APOL3: variants seen among roughly 807,000 people sequenced by gnomAD.
APOL3 encodes the protein TNF-inducible protein CG12-1.
In APOL3, 14 loss-of-function variants were observed where a neutral mutation model predicts 11.6. That is an observed-to-expected ratio of 1.21 (90% CI 0.80 to 1.89). The LOEUF is 1.89. Ranked by LOEUF, APOL3 falls within the 40% of genes most tolerant of loss-of-function variation. The pLI is 0.00. For synonymous variants in APOL3, 192 were observed against 190.6 expected (o/e 1.01, Z -0.06); for missense variants, 483 against 492.1 (o/e 0.98, Z 0.17).
At position 36,159,848 on chromosome 22, in the gene APOL3, G is replaced by A. The variant is rs149537646; in HGVS notation, c.223+821C>T. Among the ~76,000 whole-genome samples the A allele has an allele frequency of 1.3e-4, 20 of 152,008 alleles. No homozygotes were observed. In the East Asian group the frequency reaches 3.9e-3, roughly 29 times the overall value. On this transcript the variant is annotated intron_variant, in intron 1 of 2. Coordinates refer to ENST00000349314, the Ensembl canonical transcript of APOL3. ...GTCAGGGTGGGTGAAACAACCTCTG[G>A]GTTCCTTGTTATCTCTTTTCGCTCT...
intron 1 of APOL3, 31 bp from the exon 2 acceptor site, chr22:36,149,173 G>A: frequency 7.4e-7 from 1 of 1,348,128 alleles, no homozygotes; most frequent in Non-Finnish European, 9.9e-7. Context: ...TTGTGGGACT[G>A]AATGTGAGCC....
chr22:36,165,713 T>C (rs1407686316), upstream of APOL3: 1 of 152,190 alleles, frequency 6.6e-6, no homozygotes, highest in Non-Finnish European at 1.5e-5. Context: ...GCCCCTTGGA[T>C]GGCCACCACT....
At chr22:36,161,847 C>T (rs980998724), upstream of APOL3, among the ~76,000 whole-genome samples, 12 of 110,006 alleles carry the variant, frequency 1.1e-4, no homozygotes, top group South Asian at 3.6e-4. Context: ...AAAGAGATGA[C>T]GAGAAAAAGG....
Position 36,156,890 on chromosome 22 carries a change from G to A in APOL3, c.223+3779C>T, listed in dbSNP as rs138549625. Reference sequence around the variant, plus strand: ...TGGCACAGCCTGGCTGAAATCCGAGGTGTGGGAGGCAGCACTTGGACTAAA... The same window carrying A: ...TGGCACAGCCTGGCTGAAATCCGAGATGTGGGAGGCAGCACTTGGACTAAA... On this transcript the variant is annotated intron_variant, in intron 1 of 2. Coordinates refer to ENST00000349314, the Ensembl canonical transcript of APOL3. 5.3e-5 allele frequency: 24 copies of A among 453,668 alleles called. No individual in the cohort carries two copies. The Middle Eastern group carries it at 9.8e-4, about 19-fold the overall frequency. The allele number at this position is 453,668 out of a possible 1,614,324, so 28.1% of individuals were successfully genotyped here. A position where few individuals can be genotyped will look rare whatever the true frequency, so the allele number is the denominator to read the frequency against.
exon 1 of APOL3, chr22:36,160,913 G>T (rs1244624954): frequency 1.2e-6 from 2 of 1,607,764 alleles, no homozygotes; most frequent in East Asian, 2.2e-5. Flanking sequence ...CAGCACCCTT[G>T]GTCCCACCCT....
At chr22:36,142,356 A>G (rs1279302631) in intron 2 of APOL3, among the ~76,000 whole-genome samples, 2 of 152,224 alleles carry the variant, frequency 1.3e-5, no homozygotes, top group Admixed American at 6.5e-5. Flanking sequence ...AGAGGTCAAC[A>G]TCATCCCTCC....
chr22:36,142,257 A>T (rs2060025563), intron 2 of APOL3, among the ~76,000 whole-genome samples, 199 bp from the exon 4 acceptor site: 3 of 152,226 alleles, frequency 2.0e-5, no homozygotes, highest in Admixed American at 2.0e-4. Context: ...ATGCCACAGT[A>T]CTTATTCTGT....
Position 36,160,668 on chromosome 22 carries a change from C to T in APOL3, c.223+1G>A. Reference sequence around the variant, plus strand: ...GGAAGGTCAGACCACCCCTAACTTACCAAGGAAGCTTCTCTTGAAAGAGTG... The same window carrying T: ...GGAAGGTCAGACCACCCCTAACTTATCAAGGAAGCTTCTCTTGAAAGAGTG... On this transcript the variant is annotated splice_donor_variant, in intron 1 of 2. Transcript: ENST00000349314. LOFTEE classifies it high-confidence loss of function. 1 of 1,614,130 alleles carries T rather than the reference C, an allele frequency of 6.2e-7. No individual in the cohort carries two copies. The highest frequency in any genetic ancestry group is 8.5e-7 in the Non-Finnish European group (1 of 1,180,030).
chr22:36,158,079 A>T (rs957359616), intron 1 of APOL3, among the ~76,000 whole-genome samples: 7 of 152,096 alleles, frequency 4.6e-5, no homozygotes, highest in African/African-American at 1.7e-4. Flanking sequence ...AATAAAATTT[A>T]AAAATGGGTA....
chr22:36,160,685 G>A, exon 1 of APOL3: 2 of 1,614,184 alleles, frequency 1.2e-6, no homozygotes, highest in Non-Finnish European at 1.7e-6. Flanking sequence ...AGCTTCTCTT[G>A]AAAGAGTGTG....
chr22:36,153,917 G>T (rs992842023), intron 1 of APOL3, among the ~76,000 whole-genome samples: 3 of 152,202 alleles, frequency 2.0e-5, no homozygotes, highest in Admixed American at 2.0e-4. Context: ...ACAACTCAAA[G>T]TGGGCGTTTC....
exon 1 of APOL3, chr22:36,160,673 G>T (rs749590211): frequency 6.2e-7 from 1 of 1,614,170 alleles, no homozygotes; most frequent in Non-Finnish European, 8.5e-7. Flanking sequence ...ACTTACCAAG[G>T]AAGCTTCTCT....
chr22:36,154,776 C>A, intron 1 of APOL3: 1 of 344,364 alleles, frequency 2.9e-6, no homozygotes. Context: ...AAATACCAAA[C>A]ACTCCCTCTC....
At chr22:36,148,294 C>T (rs964358742) in intron 1 of APOL3, among the ~76,000 whole-genome samples, 11 of 152,216 alleles carry the variant, frequency 7.2e-5, no homozygotes, top group Non-Finnish European at 1.6e-4. Context: ...CCGTGCAGGG[C>T]AGGCGCCCTG....
intron 1 of APOL3, among the ~76,000 whole-genome samples, chr22:36,156,519 C>T (rs151299262): frequency 6.6e-6 from 1 of 152,192 alleles, no homozygotes; most frequent in Non-Finnish European, 1.5e-5. Flanking sequence ...CAGGTACACA[C>T]TGACGCCCTG....
chr22:36,143,077 G>A (rs866068008), intron 2 of APOL3, among the ~76,000 whole-genome samples: 1 of 152,208 alleles, frequency 6.6e-6, no homozygotes, highest in Non-Finnish European at 1.5e-5. Flanking sequence ...GGTGTTGGCT[G>A]TGACTCCCCC....
At chr22:36,142,089 A>C in intron 2 of APOL3, 31 bp from the exon 4 acceptor site, 4 of 1,560,556 alleles carry the variant, frequency 2.6e-6, no homozygotes, top group Non-Finnish European at 3.5e-6. Context: ...TGATTAAGAA[A>C]GGCAGCTTAC....
intron 1 of APOL3, among the ~76,000 whole-genome samples, chr22:36,158,715 A>T (rs980170870): frequency 1.3e-5 from 2 of 152,076 alleles, no homozygotes; most frequent in Non-Finnish European, 2.9e-5. Context: ...GCTACTCAGG[A>T]GGGTGAGCTG....
intron 1 of APOL3, 117 bp from the exon 2 acceptor site, chr22:36,149,259 C>A: frequency 7.7e-7 from 1 of 1,305,546 alleles, no homozygotes; most frequent in South Asian, 1.2e-5. Flanking sequence ...CAAGACCAAC[C>A]TAGCCCGGTG....
Sources: gnomAD v4.1 joint callset for allele counts (sites outside exome capture counted in the v4.1 genomes callset) on GRCh38, gnomAD v4.1.1 for gene constraint, MANE v1.5 for transcripts, NCBI Gene and HGNC (gene_info 2026-07-23, HGNC 2026-07-21) for gene names.